Variants in DDX24 observed in about 807,000 individuals in gnomAD.
DDX24 encodes the protein DEAD-box helicase 24.
In DDX24, 24 loss-of-function variants were observed where a neutral mutation model predicts 68.9. That is an observed-to-expected ratio of 0.35 (90% CI 0.25 to 0.49). DDX24 has a LOEUF of 0.49. DDX24 is among the 20% of genes least tolerant of loss of function. The probability of loss-of-function intolerance (pLI) is 0.99; values close to 1 mark genes in which losing one functional copy is unlikely to be tolerated. For missense variants in DDX24, 989 were observed against 1,039.0 expected, an observed-to-expected ratio of 0.95 and a Z score of 0.66; for synonymous variants, 395 against 385.2, an observed-to-expected ratio of 1.03 and a Z score of -0.30.
chr14:94,054,323 C>A (rs578056198), intron 7 of DDX24, among the ~76,000 whole-genome samples: 1 of 152,306 alleles, frequency 6.6e-6, no homozygotes, highest in East Asian at 1.9e-4. Flanking sequence ...GCCAGAGAAG[C>A]CAACATTCCT....
chr14:94,065,004 T>C (rs1207295693), intron 2 of DDX24, among the ~76,000 whole-genome samples: 1 of 151,584 alleles, frequency 6.6e-6, no homozygotes, highest in Non-Finnish European at 1.5e-5. Flanking sequence ...GTTGTGAGTG[T>C]GGGAAAAACC....
At chr14:94,060,695 AACAC>A (rs373138665) in intron 4 of DDX24, 82 bp from the exon 5 acceptor site, 160 of 1,461,144 alleles carry the variant, frequency 1.1e-4, no homozygotes, top group Non-Finnish European at 1.2e-4. Context: ...ACTCATCCTA[AACAC>A]ACACACACAC....
chr14:94,060,058 C>T (rs753859918), intron 5 of DDX24, 40 bp downstream of exon 5: 1 of 1,557,076 alleles, frequency 6.4e-7, no homozygotes, highest in Admixed American at 1.9e-5. Flanking sequence ...ACCCCAGTAA[C>T]TAACTAGAGG....
rs776219643 is a variant in DDX24, at chr14:94,062,181, G to A, written c.1159C>T (p.Pro387Ser). Residue 387 changes from proline to serine, a missense_variant, in exon 3 of 9, where the codon CCT becomes TCT. This residue lies in a region of DDX24 where 691 missense variants were observed against 760.0 expected (regional missense o/e 0.91). Coordinates refer to ENST00000621632, the MANE Select transcript of DDX24 (RefSeq NM_020414.4). ...SATCKAYPKR[P>S]LLGLVLTPTR... is the part of the protein sequence containing the mutation. Reference sequence around the variant, plus strand: ...GGAGTCAGAACCAGTCCAAGCAGAGGACGCTTTGGATATGCCTTACAGGTG... The same window carrying A: ...GGAGTCAGAACCAGTCCAAGCAGAGAACGCTTTGGATATGCCTTACAGGTG... 3 of 1,614,098 alleles carry A rather than the reference G, an allele frequency of 1.9e-6. No individual in the cohort carries two copies. The highest frequency in any genetic ancestry group is 2.5e-6 in the Non-Finnish European group (3 of 1,180,016).
chr14:94,080,517 A>G (rs1307256147), intron 1 of DDX24, among the ~76,000 whole-genome samples: 1 of 152,126 alleles, frequency 6.6e-6, no homozygotes, highest in African/African-American at 2.4e-5. Context: ...TGGACGTATT[A>G]ATCTCTGAGT....
intron 2 of DDX24, among the ~76,000 whole-genome samples, chr14:94,062,826 T>C (rs1885625607): frequency 6.6e-6 from 1 of 152,130 alleles, no homozygotes; most frequent in African/African-American, 2.4e-5. Context: ...TATGGCAGGC[T>C]AGCACTGAGG....
chr14:94,074,695 T>A (rs990205334), intron 2 of DDX24, among the ~76,000 whole-genome samples: 2 of 152,184 alleles, frequency 1.3e-5, no homozygotes, highest in Non-Finnish European at 2.9e-5. Flanking sequence ...CAATTCAAAA[T>A]TCTGCTAAAG....
rs1226191555 is a variant in DDX24, at chr14:94,048,425, G to A, written c.*2766C>T. ...TATTTTAAGCACAAATGAGAGCTCTGGAGCCAGAATGCCAGGGTTCTAACT... is the reference window on the plus strand; with the variant it reads ...TATTTTAAGCACAAATGAGAGCTCTAGAGCCAGAATGCCAGGGTTCTAACT... On this transcript the variant is annotated 3_prime_UTR_variant, in exon 9 of 9. Coordinates refer to ENST00000621632, the MANE Select transcript of DDX24 (RefSeq NM_020414.4). The A allele has an allele frequency of 6.6e-6, 1 of 152,192 alleles. No homozygotes were observed. The highest frequency in any genetic ancestry group is 3.2e-3 in the Middle Eastern group (1 of 316). The allele number at this position is 152,192 out of a possible 1,614,324, so 9.4% of individuals were successfully genotyped here. A position where few individuals can be genotyped will look rare whatever the true frequency, so the allele number is the denominator to read the frequency against.
chr14:94,068,217 A>G (rs930618511), intron 2 of DDX24, among the ~76,000 whole-genome samples: 12 of 152,214 alleles, frequency 7.9e-5, no homozygotes, highest in African/African-American at 2.9e-4. Context: ...AGCTATTCTT[A>G]TATCAGACAA....
chr14:94,061,247 C>A (rs1339750280), intron 3 of DDX24, among the ~76,000 whole-genome samples, 181 bp from the exon 4 acceptor site: 1 of 152,134 alleles, frequency 6.6e-6, no homozygotes, highest in East Asian at 1.9e-4. Context: ...CTTACCAAGT[C>A]TTCTGTGATC....
Position 94,048,590 on chromosome 14 carries a change from A to AT in DDX24, c.*2600_*2601insA, listed in dbSNP as rs1885325151. ...AAAACAGAATGAGATTCCTTGTGTG[A>AT]AAATAGCTATTATACCTGACACACT... On this transcript the variant is annotated 3_prime_UTR_variant, in exon 9 of 9. Transcript: ENST00000621632. 1 of 152,246 alleles carries AT rather than the reference A, an allele frequency of 6.6e-6. No homozygotes were observed. Among genetic ancestry groups the AT allele is most frequent in the Non-Finnish European group, 1.5e-5 (1 of 68,052 alleles). 9.4% of individuals were successfully genotyped at this position (152,246 alleles called of 1,614,324 possible). A position where few individuals can be genotyped will look rare whatever the true frequency, so the allele number is the denominator to read the frequency against.
At chr14:94,064,115 T>C (rs1885650040) in intron 2 of DDX24, among the ~76,000 whole-genome samples, 1 of 152,128 alleles carries the variant, frequency 6.6e-6, no homozygotes, top group South Asian at 2.1e-4. Context: ...GGGTAAACTA[T>C]AATAAAAGAT....
At chr14:94,073,997 C>T (rs182371771) in intron 2 of DDX24, among the ~76,000 whole-genome samples, 6 of 149,474 alleles carry the variant, frequency 4.0e-5, no homozygotes, top group Non-Finnish European at 7.4e-5. Flanking sequence ...GAGCTGAGAT[C>T]GCACCACTGC....
rs141212283 is a variant in DDX24, at chr14:94,080,309, G to C, written c.-5-562C>G. Among the ~76,000 whole-genome samples, 869 of 152,270 alleles carry C rather than the reference G, an allele frequency of 5.7e-3. 5 individuals carry two copies. Among genetic ancestry groups the C allele is most frequent in the African/African-American group, 0.019 (809 of 41,548 alleles). ...GCTCCACCATCCTTTCCTTTGCCAA[G>C]CGTCTTAAAACCCATCCAGTTTCTT... On this transcript the variant is annotated intron_variant, in intron 1 of 8. Coordinates refer to ENST00000621632, the MANE Select transcript of DDX24 (RefSeq NM_020414.4).
intron 2 of DDX24, among the ~76,000 whole-genome samples, chr14:94,074,518 C>A (rs1045979377): frequency 3.7e-4 from 57 of 152,290 alleles, no homozygotes; most frequent in African/African-American, 1.4e-3. Flanking sequence ...TATCCAACAT[C>A]CAACCCTGAT....
chr14:94,056,875 T>C (rs1017320920), intron 6 of DDX24: 2 of 152,208 alleles, frequency 1.3e-5, no homozygotes, highest in South Asian at 2.1e-4. Flanking sequence ...AAGTCTTCTA[T>C]GTTGATTGTT....
In DDX24 at chr14:94,062,523, G is replaced by A; in HGVS notation, c.817C>T (p.Pro273Ser). 3 of 1,614,180 alleles carry A rather than the reference G, an allele frequency of 1.9e-6. No individual in the cohort carries two copies. The highest frequency in any genetic ancestry group is 1.7e-6 in the Non-Finnish European group (2 of 1,180,040). The change falls in exon 3 of 9, where the codon CCA (proline) becomes TCA (serine). Residue 273 changes from proline to serine, a missense_variant. Coordinates refer to ENST00000621632, the MANE Select transcript of DDX24 (RefSeq NM_020414.4). ...GCCTCAGTTCTGGTCTCTCCAGGTG[G>A]TGCTTCGGTGTTACTTGGAGGAGGG... is the stretch of plus-strand genomic sequence containing the variant. ...AAPPPSNTEA[P>S]PGETRTEAGA...
rs1461957347 is a variant in DDX24 at position 94,050,569 on chromosome 14, T to G, written c.*622A>C. 2 of 152,302 alleles carry G rather than the reference T, an allele frequency of 1.3e-5. No individual in the cohort carries two copies. The highest frequency in any genetic ancestry group is 2.9e-5 in the Non-Finnish European group (2 of 68,082). 9.4% of individuals were successfully genotyped at this position (152,302 alleles called of 1,614,324 possible). A position where few individuals can be genotyped will look rare whatever the true frequency, so the allele number is the denominator to read the frequency against. On this transcript the variant is annotated 3_prime_UTR_variant, in exon 9 of 9. Transcript: ENST00000621632. ...GGCTTCACACGCCAGACCTAGCGACTGTTACTGTTGGCTCTGTGATGTGAG... is the reference window on the plus strand; with the variant it reads ...GGCTTCACACGCCAGACCTAGCGACGGTTACTGTTGGCTCTGTGATGTGAG...
chr14:94,070,092 T>C (rs1885798678), intron 2 of DDX24, among the ~76,000 whole-genome samples: 1 of 152,180 alleles, frequency 6.6e-6, no homozygotes. Context: ...TTGCTGATGA[T>C]ATGATCATTT....
Sources: gnomAD v4.1 joint callset for allele counts (sites outside exome capture counted in the v4.1 genomes callset) on GRCh38, gnomAD v4.1.1 for gene constraint, gnomAD v4.1.1 regional missense constraint, MANE v1.5 for transcripts, NCBI Gene and HGNC (gene_info 2026-07-23, HGNC 2026-07-21) for gene names.